The following PRKG1 variants were observed in gnomAD, a reference collection of about 807,000 sequenced individuals.
The protein encoded by PRKG1 is protein kinase cGMP-dependent 1.
Under a neutral mutation model 88.1 loss-of-function variants are expected in PRKG1, and 35 were observed. The observed-to-expected ratio is 0.40, with a 90% CI of 0.30 to 0.53. PRKG1 has a LOEUF of 0.53. PRKG1 is among the 20% of genes least tolerant of loss of function. The pLI, the probability that PRKG1 is intolerant of heterozygous loss-of-function variation, is 0.59. For synonymous variants in PRKG1, 303 were observed against 292.5 expected, an observed-to-expected ratio of 1.04 and a Z score of -0.37; for missense variants, 540 against 839.8, an observed-to-expected ratio of 0.64 and a Z score of 4.41.
At chr10:52,025,746 G>A (rs973379689) in intron 5 of PRKG1, among the ~76,000 whole-genome samples, 4 of 151,440 alleles carry the variant, frequency 2.6e-5, no homozygotes, top group Admixed American at 6.6e-5. Context: ...AGTATAGTTT[G>A]AAGTCAGGTA....
intron 2 of PRKG1, among the ~76,000 whole-genome samples, chr10:51,454,246 C>A (rs924348066): frequency 2.6e-5 from 4 of 151,866 alleles, no homozygotes; most frequent in Admixed American, 1.3e-4. Context: ...AAAAAACAAC[C>A]CTAAAATTTA....
At chr10:51,562,485 G>A (rs1311537405) in intron 3 of PRKG1, among the ~76,000 whole-genome samples, 8 of 152,008 alleles carry the variant, frequency 5.3e-5, no homozygotes, top group African/African-American at 1.4e-4. Flanking sequence ...CCATAGATAC[G>A]TGTGCATCTT....
intron 2 of PRKG1, among the ~76,000 whole-genome samples, chr10:51,272,120 T>G (rs1839995516): frequency 6.6e-6 from 1 of 152,252 alleles, no homozygotes. Context: ...CTAACTGGTG[T>G]GAAATGGTAT....
chr10:51,194,031 A>C (rs529488900), intron 2 of PRKG1, among the ~76,000 whole-genome samples: 9 of 152,292 alleles, frequency 5.9e-5, no homozygotes, highest in Middle Eastern at 6.8e-3. Flanking sequence ...GTCTTAAATT[A>C]TGACCTTCTA....
chr10:51,702,864 T>G (rs1449503938), intron 3 of PRKG1, among the ~76,000 whole-genome samples: 1 of 152,058 alleles, frequency 6.6e-6, no homozygotes, highest in East Asian at 1.9e-4. Context: ...TGGCTAATTT[T>G]TTGTGCGTTT....
At chr10:52,035,401 T>G (rs920985525) in intron 5 of PRKG1, among the ~76,000 whole-genome samples, 2 of 152,112 alleles carry the variant, frequency 1.3e-5, no homozygotes, top group African/African-American at 4.8e-5. Flanking sequence ...TGAGGATCGA[T>G]TTCCACGATG....
intron 3 of PRKG1, among the ~76,000 whole-genome samples, chr10:51,753,025 GTC>G (rs1345282184): frequency 2.0e-5 from 3 of 152,180 alleles, no homozygotes; most frequent in African/African-American, 7.2e-5. Flanking sequence ...AGGGCCATGT[GTC>G]TGTTACTTGA....
At chr10:51,968,888 A>G (rs542584593) in intron 5 of PRKG1, among the ~76,000 whole-genome samples, 1 of 152,098 alleles carries the variant, frequency 6.6e-6, no homozygotes, top group Non-Finnish European at 1.5e-5. Context: ...CCAAATTATG[A>G]AAACAGAATC....
At chr10:51,612,608 C>T (rs1032477781) in intron 3 of PRKG1, among the ~76,000 whole-genome samples, 1 of 151,900 alleles carries the variant, frequency 6.6e-6, no homozygotes. Context: ...AATGTGAATG[C>T]CTTTTATTTC....
intron 3 of PRKG1, among the ~76,000 whole-genome samples, chr10:51,592,307 T>C (rs186201408): frequency 1.3e-5 from 2 of 152,284 alleles, no homozygotes; most frequent in East Asian, 3.9e-4. Flanking sequence ...GTTGCTACAA[T>C]TAAAGAAACA....
At chr10:51,243,694 G>T (rs1397464366) in intron 2 of PRKG1, among the ~76,000 whole-genome samples, 1 of 152,120 alleles carries the variant, frequency 6.6e-6, no homozygotes, top group Non-Finnish European at 1.5e-5. Context: ...TGAGCATTTG[G>T]CAAGGTCTCT....
chr10:51,977,248 G>T (rs1261239880), intron 5 of PRKG1, among the ~76,000 whole-genome samples: 1 of 151,946 alleles, frequency 6.6e-6, no homozygotes, highest in East Asian at 1.9e-4. Context: ...GCATTAGTTT[G>T]CTAAGAATAA....
At chr10:51,983,660 A>T (rs1844074329) in intron 5 of PRKG1, among the ~76,000 whole-genome samples, 1 of 152,010 alleles carries the variant, frequency 6.6e-6, no homozygotes, top group African/African-American at 2.4e-5. Flanking sequence ...CTCTACAGAC[A>T]CTCCCACACC....
At chr10:52,039,784 C>T (rs1845710334) in intron 5 of PRKG1, among the ~76,000 whole-genome samples, 1 of 152,148 alleles carries the variant, frequency 6.6e-6, no homozygotes, top group Non-Finnish European at 1.5e-5. Flanking sequence ...CTGGAAAATA[C>T]ACTAATTTCA....
At chr10:51,720,411 T>C (rs1031139434) in intron 3 of PRKG1, among the ~76,000 whole-genome samples, 5 of 152,208 alleles carry the variant, frequency 3.3e-5, no homozygotes, top group Admixed American at 2.6e-4. Context: ...TGCTAGTTAA[T>C]AACAATAATA....
chr10:51,474,942 G>C (rs1840150574), intron 3 of PRKG1, among the ~76,000 whole-genome samples: 1 of 151,864 alleles, frequency 6.6e-6, no homozygotes, highest in South Asian at 2.1e-4. Context: ...TTTACAAACT[G>C]TCATCCCATG....
intron 5 of PRKG1, among the ~76,000 whole-genome samples, chr10:51,977,140 C>T (rs1843857300): frequency 1.3e-5 from 2 of 151,970 alleles, no homozygotes; most frequent in African/African-American, 2.4e-5. Flanking sequence ...CTCCAATAGG[C>T]CCAAGTGTCT....
intron 3 of PRKG1, among the ~76,000 whole-genome samples, chr10:51,707,257 T>G (rs1266721059): frequency 6.6e-6 from 1 of 152,178 alleles, no homozygotes; most frequent in Non-Finnish European, 1.5e-5. Context: ...TTGTCCATTT[T>G]TATTAAAAGG....
chr10:51,359,980 T>G (rs1266519304), intron 2 of PRKG1, among the ~76,000 whole-genome samples: 1 of 151,970 alleles, frequency 6.6e-6, no homozygotes, highest in East Asian at 1.9e-4. Context: ...AGGGTATTTT[T>G]AAGTCTTCAG....
Sources: allele counts gnomAD v4.1 joint callset (sites outside exome capture counted in the v4.1 genomes callset), GRCh38; gene constraint gnomAD v4.1.1; transcripts MANE v1.5; gene names NCBI Gene and HGNC (gene_info 2026-07-23, HGNC 2026-07-21).